ATP8B1: variants seen among roughly 807,000 people sequenced by gnomAD.
ATP8B1 encodes the protein phospholipid-transporting ATPase IC.
A neutral mutation model predicts 149.9 loss-of-function variants in ATP8B1; 80 were observed. That is an observed-to-expected ratio of 0.53 (90% confidence interval 0.45 to 0.64). ATP8B1 has a LOEUF of 0.64. Among genes scored for constraint, ATP8B1 ranks in the 30% least tolerant of loss-of-function variants. The pLI is 0.00. For missense variants in ATP8B1, 1,247 were observed against 1,552.6 expected, an observed-to-expected ratio of 0.80 and a Z score of 3.31; for synonymous variants, 536 against 562.8, an observed-to-expected ratio of 0.95 and a Z score of 0.67.
At chr18:57,663,676 T>C (rs191511074) in intron 20 of ATP8B1, among the ~76,000 whole-genome samples, 1 of 152,232 alleles carries the variant, frequency 6.6e-6, no homozygotes, top group Non-Finnish European at 1.5e-5. Flanking sequence ...CCCCTAATGA[T>C]TAGTGATGAT....
At chr18:57,674,767 C>T in intron 16 of ATP8B1, 67 bp downstream of exon 16, 1 of 1,555,798 alleles carries the variant, frequency 6.4e-7, no homozygotes. Context: ...CCTGATGCCA[C>T]TCAATACAAT....
intron 15 of ATP8B1, among the ~76,000 whole-genome samples, chr18:57,681,571 T>C (rs563765399): frequency 1.3e-5 from 2 of 152,138 alleles, no homozygotes; most frequent in South Asian, 4.2e-4. Context: ...GAGGTTGAGG[T>C]GGGCAGATCA....
intron 20 of ATP8B1, among the ~76,000 whole-genome samples, chr18:57,663,986 C>T (rs1432650572): frequency 3.3e-5 from 5 of 150,616 alleles, no homozygotes; most frequent in Non-Finnish European, 5.9e-5. Context: ...AGGATGGTCT[C>T]AATCTCTTGA....
intron 1 of ATP8B1, among the ~76,000 whole-genome samples, chr18:57,768,398 A>AG: frequency 1.3e-5 from 2 of 150,248 alleles, no homozygotes; most frequent in African/African-American, 4.9e-5. Flanking sequence ...AAAAAAAAAA[A>AG]AAAAAAAAAA....
intron 1 of ATP8B1, among the ~76,000 whole-genome samples, chr18:57,792,207 T>C (rs2080470117): frequency 6.6e-6 from 1 of 152,216 alleles, no homozygotes; most frequent in Non-Finnish European, 1.5e-5. Flanking sequence ...TGTGCTTTTT[T>C]TGAAGGATGT....
intron 1 of ATP8B1, among the ~76,000 whole-genome samples, chr18:57,787,623 G>A (rs1310831517): frequency 6.6e-6 from 1 of 152,168 alleles, no homozygotes; most frequent in East Asian, 1.9e-4. Context: ...TCTTTGTCAT[G>A]AGCTTCTTTT....
At chr18:57,795,234 C>A (rs903703674) in intron 1 of ATP8B1, among the ~76,000 whole-genome samples, 1 of 142,626 alleles carries the variant, frequency 7.0e-6, no homozygotes, top group Non-Finnish European at 1.5e-5. Flanking sequence ...CACACACACA[C>A]ACATTTTTTT....
intron 1 of ATP8B1, among the ~76,000 whole-genome samples, chr18:57,801,725 C>CT (rs1490212074): frequency 6.6e-6 from 1 of 152,056 alleles, no homozygotes; most frequent in Admixed American, 6.5e-5. Flanking sequence ...CTAGTTTTTT[C>CT]TTTTTTTAGT....
intron 2 of ATP8B1, among the ~76,000 whole-genome samples, chr18:57,717,029 C>T (rs2079589336): frequency 1.3e-5 from 2 of 152,036 alleles, no homozygotes; most frequent in Admixed American, 1.3e-4. Flanking sequence ...ATTTTGGAAA[C>T]TATACAAAAA....
At chr18:57,714,907 T>A (rs111803408) in intron 2 of ATP8B1, among the ~76,000 whole-genome samples, 1,968 of 152,208 alleles carry the variant, frequency 0.013, 37 homozygotes, top group African/African-American at 0.043. Flanking sequence ...TCCACAAGCA[T>A]CAAGAACATC....
At chr18:57,749,451 A>G (rs766687886) in intron 1 of ATP8B1, among the ~76,000 whole-genome samples, 10 of 152,240 alleles carry the variant, frequency 6.6e-5, no homozygotes, top group Non-Finnish European at 1.2e-4. Context: ...CTGGACTCCA[A>G]TGAAAACAAT....
At chr18:57,713,205 T>TTTCTTTC in intron 2 of ATP8B1, among the ~76,000 whole-genome samples, 2 of 108,584 alleles carry the variant, frequency 1.8e-5, no homozygotes, top group Admixed American at 9.3e-5. Context: ...CTTTCCTTCC[T>TTTCTTTC]TCCTTCCTTC....
At chr18:57,678,622 G>A (rs1911748568) in intron 15 of ATP8B1, among the ~76,000 whole-genome samples, 1 of 119,800 alleles carries the variant, frequency 8.3e-6, no homozygotes, top group African/African-American at 2.9e-5. Context: ...AAAGAGTGTG[G>A]TGTTGATGGT....
chr18:57,694,911 TC>T (rs1912725998), intron 10 of ATP8B1, among the ~76,000 whole-genome samples: 1 of 150,612 alleles, frequency 6.6e-6, no homozygotes, highest in Non-Finnish European at 1.5e-5. Flanking sequence ...ATGCCTATAA[TC>T]CCAACTACTC....
intron 1 of ATP8B1, chr18:57,738,189 TC>T (rs796618096): frequency 2.8e-4 from 42 of 152,374 alleles, no homozygotes; most frequent in African/African-American, 9.9e-4. Flanking sequence ...TGACCACCAC[TC>T]CAGGACACTG....
At chr18:57,697,471 G>T in intron 8 of ATP8B1, 147 bp downstream of exon 8, 1 of 847,242 alleles carries the variant, frequency 1.2e-6, no homozygotes, top group South Asian at 1.4e-5. Flanking sequence ...CTTCACAGAG[G>T]CGCAAAGGTG....
At chr18:57,673,945 C>T (rs1911418751) in intron 16 of ATP8B1, among the ~76,000 whole-genome samples, 1 of 152,064 alleles carries the variant, frequency 6.6e-6, no homozygotes, top group Non-Finnish European at 1.5e-5. Flanking sequence ...GCTGAGTCCT[C>T]CCTTCCCTGC....
intron 23 of ATP8B1, among the ~76,000 whole-genome samples, chr18:57,654,352 T>C (rs1445425423): frequency 1.3e-5 from 2 of 151,714 alleles, no homozygotes; most frequent in Non-Finnish European, 2.9e-5. Flanking sequence ...AGAGTCTCAC[T>C]CTGTCGCCCA....
chr18:57,786,800 A>C (rs547913369), intron 1 of ATP8B1, among the ~76,000 whole-genome samples: 1 of 152,238 alleles, frequency 6.6e-6, no homozygotes, highest in East Asian at 1.9e-4. Context: ...TATTTCAAAA[A>C]CACAATGTGT....
Sources: allele counts gnomAD v4.1 joint callset (sites outside exome capture counted in the v4.1 genomes callset), GRCh38; gene constraint gnomAD v4.1.1; transcripts MANE v1.5; gene names NCBI Gene and HGNC (gene_info 2026-07-23, HGNC 2026-07-21).